Variants in NCAM2 observed in about 807,000 individuals in gnomAD.
The protein encoded by NCAM2 is N-CAM-2.
A neutral mutation model predicts 98.1 loss-of-function variants in NCAM2; 30 were observed. The ratio of observed to expected loss-of-function variants is 0.31; its 90% CI spans 0.23 to 0.41. The LOEUF is 0.41. Among genes scored for constraint, NCAM2 ranks in the 10% least tolerant of loss-of-function variants. The pLI, the probability that NCAM2 is intolerant of heterozygous loss-of-function variation, is 1.00. For synonymous variants in NCAM2, 368 were observed against 342.4 expected (o/e 1.07, Z -0.83); for missense variants, 867 against 1,005.8 (o/e 0.86, Z 1.87).
chr21:21,212,453 A>G (rs1252180245), intron 1 of NCAM2, among the ~76,000 whole-genome samples: 1 of 152,196 alleles, frequency 6.6e-6, no homozygotes, highest in Non-Finnish European at 1.5e-5. Context: ...GATCATTGTG[A>G]TGATGGCAAT....
At chr21:21,507,002 G>A (rs1248457263) in intron 15 of NCAM2, among the ~76,000 whole-genome samples, 1 of 151,714 alleles carries the variant, frequency 6.6e-6, no homozygotes, top group Non-Finnish European at 1.5e-5. Context: ...CAAAGTTGCT[G>A]GGATGAAGTG....
intron 15 of NCAM2, among the ~76,000 whole-genome samples, chr21:21,507,559 C>T (rs534839825): frequency 1.3e-5 from 2 of 152,018 alleles, no homozygotes; most frequent in East Asian, 1.9e-4. Context: ...TTTGGGAGGC[C>T]AAGGCGGGCG....
At chr21:21,479,929 T>C (rs1379835657) in intron 15 of NCAM2, among the ~76,000 whole-genome samples, 1 of 152,146 alleles carries the variant, frequency 6.6e-6, no homozygotes, top group African/African-American at 2.4e-5. Context: ...TTTATTAATT[T>C]AAGAATTATT....
At chr21:21,528,239 G>GT (rs1176507150) in intron 16 of NCAM2, among the ~76,000 whole-genome samples, 1 of 152,206 alleles carries the variant, frequency 6.6e-6, no homozygotes, top group Admixed American at 6.5e-5. Flanking sequence ...TTGTGAGGCA[G>GT]TAAAACTATT....
chr21:21,329,486 C>T, intron 6 of NCAM2, among the ~76,000 whole-genome samples: 1 of 152,114 alleles, frequency 6.6e-6, no homozygotes, highest in East Asian at 1.9e-4. Context: ...ACAAAATTGA[C>T]TGGGGACATA....
At chr21:21,414,802 A>G (rs1291814856) in intron 10 of NCAM2, among the ~76,000 whole-genome samples, 2 of 152,122 alleles carry the variant, frequency 1.3e-5, no homozygotes, top group Non-Finnish European at 2.9e-5. Flanking sequence ...AGGACTTGAA[A>G]GTTGAAATTA....
intron 1 of NCAM2, among the ~76,000 whole-genome samples, chr21:21,153,028 C>T (rs546171131): frequency 2.0e-5 from 3 of 151,980 alleles, no homozygotes; most frequent in Non-Finnish European, 4.4e-5. Flanking sequence ...AGTTTTTCCC[C>T]CTTCTCTCAG....
At chr21:21,068,869 AC>A (rs887000159) in intron 1 of NCAM2, among the ~76,000 whole-genome samples, 2 of 152,076 alleles carry the variant, frequency 1.3e-5, no homozygotes, top group African/African-American at 4.8e-5. Context: ...AAATTTTCAT[AC>A]CACCCATTAT....
Position 21,210,748 on chromosome 21 carries a change from A to G in NCAM2, c.56-69830A>G, listed in dbSNP as rs545288434. The stretch of plus-strand genomic sequence containing the variant: ...TATAAGGAATGTCAAAATGTCATTG[A>G]AAGGCAATGAGGTGGAGAACATCTT... On this transcript the variant is annotated intron_variant, in intron 1 of 17. Coordinates refer to ENST00000400546, the MANE Select transcript of NCAM2 (RefSeq NM_004540.5). The G allele has an allele frequency of 1.8e-5, 15 of 829,568 alleles. 1 individual carries two copies. The South Asian group carries it at 2.7e-4, about 15-fold the overall frequency. 51.4% of individuals were successfully genotyped at this position (829,568 alleles called of 1,614,324 possible).
intron 16 of NCAM2, among the ~76,000 whole-genome samples, chr21:21,521,629 T>C (rs953940997): frequency 6.6e-6 from 1 of 151,442 alleles, no homozygotes; most frequent in African/African-American, 2.4e-5. Context: ...CTTATTAGAA[T>C]AGAAACAGCT....
At chr21:21,346,744 A>G (rs1252648367) in intron 8 of NCAM2, among the ~76,000 whole-genome samples, 1 of 152,114 alleles carries the variant, frequency 6.6e-6, no homozygotes, top group African/African-American at 2.4e-5. Flanking sequence ...ATAAAAATAC[A>G]TGGAAATTAA....
intron 1 of NCAM2, among the ~76,000 whole-genome samples, chr21:21,121,468 C>T (rs1412342426): frequency 6.6e-6 from 1 of 152,138 alleles, no homozygotes; most frequent in Non-Finnish European, 1.5e-5. Context: ...ATTTTAGATT[C>T]AGATGCCTAT....
intron 1 of NCAM2, among the ~76,000 whole-genome samples, chr21:21,170,461 G>A (rs1402147877): frequency 6.6e-6 from 1 of 152,142 alleles, no homozygotes; most frequent in Admixed American, 6.5e-5. Context: ...AAGTAAAGAA[G>A]CCAATCTGAA....
At chr21:21,469,226 G>A (rs1984115391) in intron 14 of NCAM2, among the ~76,000 whole-genome samples, 1 of 151,906 alleles carries the variant, frequency 6.6e-6, no homozygotes, top group Non-Finnish European at 1.5e-5. Context: ...AATGGCCACG[G>A]TGAACTTGAT....
At chr21:21,246,397 GATA>G (rs1467187979) in intron 1 of NCAM2, among the ~76,000 whole-genome samples, 4 of 152,124 alleles carry the variant, frequency 2.6e-5, no homozygotes, top group Non-Finnish European at 5.9e-5. Flanking sequence ...AGCAGAAATA[GATA>G]ATATAGTGGA....
At chr21:21,003,383 A>G (rs575673454) in intron 1 of NCAM2, among the ~76,000 whole-genome samples, 1 of 152,262 alleles carries the variant, frequency 6.6e-6, no homozygotes, top group South Asian at 2.1e-4. Flanking sequence ...ACTCACAGGG[A>G]TGAAGAAAAT....
intron 5 of NCAM2, among the ~76,000 whole-genome samples, chr21:21,292,528 A>G (rs559782486): frequency 1.6e-4 from 25 of 152,086 alleles, no homozygotes; most frequent in Admixed American, 1.6e-3. Flanking sequence ...TATCAAATAA[A>G]CATAGTACAG....
At chr21:21,284,497 G>A (rs1568883341) in intron 3 of NCAM2, 97 bp downstream of exon 3, 3 of 895,312 alleles carry the variant, frequency 3.4e-6, no homozygotes, top group Non-Finnish European at 3.5e-6. Flanking sequence ...TAAGAACTAT[G>A]TGCTTTGAAA....
chr21:21,363,530 C>G (rs2075702666), intron 8 of NCAM2, among the ~76,000 whole-genome samples: 1 of 152,078 alleles, frequency 6.6e-6, no homozygotes, highest in Non-Finnish European at 1.5e-5. Flanking sequence ...ATATAATTTT[C>G]TAGACCATTT....
Sources: gnomAD v4.1 joint callset for allele counts (sites outside exome capture counted in the v4.1 genomes callset) on GRCh38, gnomAD v4.1.1 for gene constraint, MANE v1.5 for transcripts, NCBI Gene and HGNC (gene_info 2026-07-23, HGNC 2026-07-21) for gene names.